Variants in SMARCB1 observed in about 807,000 individuals in gnomAD.
SMARCB1 encodes SWI/SNF-related matrix-associated actin-dependent regulator of chromatin subfamily B member 1.
In SMARCB1, 5 loss-of-function variants were observed where a neutral mutation model predicts 49.0. The ratio of observed to expected loss-of-function variants is 0.10; its 90% CI spans 0.05 to 0.21. The LOEUF is 0.21. Ranked by LOEUF, SMARCB1 falls within the 10% of genes least tolerant of loss-of-function variation. The pLI, the probability that SMARCB1 is intolerant of heterozygous loss-of-function variation, is 1.00. For synonymous variants in SMARCB1, 201 were observed against 200.1 expected (o/e 1.00, Z -0.04); for missense variants, 226 against 509.2 (o/e 0.44, Z 5.35).
chr22:23,814,629 C>T (rs996926722), intron 5 of SMARCB1, among the ~76,000 whole-genome samples: 21 of 151,484 alleles, frequency 1.4e-4, no homozygotes, highest in Admixed American at 1.1e-3. Flanking sequence ...CACGCTGTTG[C>T]AATCCATCCT....
At chr22:23,790,442 TC>T (rs1928304393) in intron 1 of SMARCB1, among the ~76,000 whole-genome samples, 1 of 152,230 alleles carries the variant, frequency 6.6e-6, no homozygotes, top group Non-Finnish European at 1.5e-5. Flanking sequence ...ACACCTATAA[TC>T]CTAGCACTTT....
intron 3 of SMARCB1, among the ~76,000 whole-genome samples, chr22:23,799,979 C>T (rs1219798066): frequency 2.7e-5 from 4 of 150,514 alleles, no homozygotes; most frequent in Middle Eastern, 3.2e-3. Context: ...CCACCGCGCC[C>T]GGCTACACCT....
intron 5 of SMARCB1, 107 bp from the exon 6 acceptor site, chr22:23,816,662 CT>C: frequency 9.2e-7 from 1 of 1,084,066 alleles, no homozygotes; most frequent in South Asian, 1.2e-5. Flanking sequence ...TGGTTGTCCT[CT>C]CCTGCATCCG....
chr22:23,793,258 G>A (rs1928516631), intron 2 of SMARCB1: 1 of 457,584 alleles, frequency 2.2e-6, no homozygotes, highest in Admixed American at 3.4e-5. Context: ...GTCCCCGCTG[G>A]TCGTGCTGTA....
chr22:23,792,088 A>G (rs1016510136), intron 2 of SMARCB1, 194 bp downstream of exon 2: 16 of 630,350 alleles, frequency 2.5e-5, no homozygotes, highest in Non-Finnish European at 4.6e-5. Context: ...GTCCACTGTC[A>G]GTTATTTCCA....
chr22:23,802,552 C>T (rs35752505), intron 4 of SMARCB1: 6,314 of 159,122 alleles, frequency 0.04, 385 homozygotes, highest in African/African-American at 0.13. Flanking sequence ...GCCCCTTTCC[C>T]TGTCTGTTTC....
intron 7 of SMARCB1, among the ~76,000 whole-genome samples, chr22:23,827,411 T>C (rs1255393100): frequency 6.6e-6 from 1 of 152,210 alleles, no homozygotes; most frequent in Non-Finnish European, 1.5e-5. Context: ...CCGGGCCCTC[T>C]GCAGTTTGCA....
chr22:23,799,463 G>A (rs1169621502), intron 3 of SMARCB1, among the ~76,000 whole-genome samples: 6 of 148,936 alleles, frequency 4.0e-5, no homozygotes, highest in Admixed American at 2.0e-4. Context: ...TTTTTGGTAG[G>A]GTTGAGGTTT....
chr22:23,818,094 G>A (rs1037510258), intron 6 of SMARCB1: 1 of 151,038 alleles, frequency 6.6e-6, no homozygotes, highest in African/African-American at 2.4e-5. Context: ...CCAAAGTGCT[G>A]GGATTACAGG....
At chr22:23,812,617 A>T (rs1251482322) in intron 5 of SMARCB1, among the ~76,000 whole-genome samples, 1 of 152,226 alleles carries the variant, frequency 6.6e-6, no homozygotes, top group African/African-American at 2.4e-5. Context: ...TATAGAAATA[A>T]TTATATACTG....
chr22:23,798,540 T>C (rs543513449), intron 3 of SMARCB1, among the ~76,000 whole-genome samples: 21 of 152,254 alleles, frequency 1.4e-4, no homozygotes, highest in African/African-American at 4.6e-4. Flanking sequence ...GTTCCCCAAA[T>C]TGGGTACTAC....
At chr22:23,797,609 CTTTTTTTTTT>C (rs71184910) in intron 3 of SMARCB1, among the ~76,000 whole-genome samples, 3 of 36,272 alleles carry the variant, frequency 8.3e-5, no homozygotes, top group African/African-American at 1.4e-4. Context: ...TGCGCCTGGC[CTTTTTTTTTT>C]TTTTTTTTTT....
At position 23,787,220 on chromosome 22, in the gene SMARCB1, C is replaced by T; in HGVS notation, c.51C>T (p.Phe17=). 1 of 1,608,996 alleles carries T rather than the reference C, an allele frequency of 6.2e-7. No homozygotes were observed. Among genetic ancestry groups the T allele is most frequent in the Non-Finnish European group, 8.5e-7 (1 of 1,177,228 alleles). ...CCTTCGGGCAGAAGCCCGTGAAGTT[C>T]CAGCTGGAGGACGACGGCGAGTTCT... ...SKTFGQKPVK[F]QLEDDGEFYM... is the part of the protein sequence containing the mutation. Residue 17 remains phenylalanine (F), a synonymous_variant, in exon 1 of 9, where the codon TTC becomes TTT. Transcript: ENST00000644036.
intron 7 of SMARCB1, among the ~76,000 whole-genome samples, chr22:23,829,696 A>G (rs1474589589): frequency 2.0e-5 from 3 of 152,374 alleles, no homozygotes; most frequent in African/African-American, 4.8e-5. Context: ...TTCATAAACC[A>G]TACAATTCAC....
chr22:23,814,877 G>T (rs1243640180), intron 5 of SMARCB1: 1 of 151,824 alleles, frequency 6.6e-6, no homozygotes, highest in Non-Finnish European at 1.5e-5. Flanking sequence ...GGCTGAGTCA[G>T]GAGAATTGCT....
chr22:23,812,460 C>G (rs910869402), intron 5 of SMARCB1, among the ~76,000 whole-genome samples: 1 of 152,124 alleles, frequency 6.6e-6, no homozygotes, highest in African/African-American at 2.4e-5. Context: ...GAGGAGAACG[C>G]ACTTCCTGAT....
intron 5 of SMARCB1, among the ~76,000 whole-genome samples, chr22:23,812,311 C>A (rs1383857932): frequency 6.6e-6 from 1 of 152,002 alleles, no homozygotes; most frequent in African/African-American, 2.4e-5. Context: ...TAATATAAAA[C>A]ATTATTTTAA....
At chr22:23,831,074 C>T (rs1424192968) in intron 7 of SMARCB1, among the ~76,000 whole-genome samples, 1 of 152,162 alleles carries the variant, frequency 6.6e-6, no homozygotes, top group Admixed American at 6.5e-5. Context: ...GCTCTTCCTC[C>T]ATTGAGTGGA....
At chr22:23,796,927 C>G (rs182993301) in intron 3 of SMARCB1, among the ~76,000 whole-genome samples, 2 of 151,938 alleles carry the variant, frequency 1.3e-5, no homozygotes, top group South Asian at 2.1e-4. Flanking sequence ...ATCCTGTCAT[C>G]GGACAATTTG....
Sources: allele counts gnomAD v4.1 joint callset (sites outside exome capture counted in the v4.1 genomes callset), GRCh38; gene constraint gnomAD v4.1.1; transcripts MANE v1.5; gene names NCBI Gene and HGNC (gene_info 2026-07-23, HGNC 2026-07-21).